Variants in SGMS2 observed in about 807,000 individuals in gnomAD.
The protein encoded by SGMS2 is sphingomyelin synthase 2.
A neutral mutation model predicts 43.8 loss-of-function variants in SGMS2; 21 were observed. The observed-to-expected ratio is 0.48, with a 90% CI of 0.34 to 0.69. The LOEUF is 0.69. Ranked by LOEUF, SGMS2 falls within the 30% of genes least tolerant of loss-of-function variation. SGMS2 has a pLI of 0.01. For missense variants in SGMS2, 384 were observed against 443.2 expected (o/e 0.87, Z 1.20); for synonymous variants, 167 against 160.6 (o/e 1.04, Z -0.30).
intron 1 of SGMS2, among the ~76,000 whole-genome samples, chr4:107,828,507 T>A (rs182674428): frequency 2.6e-5 from 4 of 152,348 alleles, no homozygotes; most frequent in Admixed American, 2.6e-4. Context: ...GTCACTAACA[T>A]ACTCTTACAC....
At position 107,852,355 on chromosome 4, in the gene SGMS2, A is replaced by T. The variant is rs578196128; in HGVS notation, c.-326-6117A>T. ...GCCTCCCAAGTCATAATAATTTTTT[A>T]AAAAAGAATGTGACTATGGTAGCTA... On this transcript the variant is annotated intron_variant, in intron 1 of 6. Coordinates refer to ENST00000690982, the MANE Select transcript of SGMS2 (RefSeq NM_001375905.1). 3.9e-5 allele frequency among the ~76,000 whole-genome samples: 6 copies of T among 152,022 alleles called. No homozygotes were observed. The East Asian group carries it at 9.7e-4, about 25-fold the overall frequency.
chr4:107,833,001 C>A (rs1725974403), intron 1 of SGMS2, among the ~76,000 whole-genome samples: 1 of 152,176 alleles, frequency 6.6e-6, no homozygotes, highest in African/African-American at 2.4e-5. Flanking sequence ...GCACTCCAGC[C>A]TGGGCGACAG....
In SGMS2 at chr4:107,908,742, T is replaced by C; in HGVS notation, c.894+11T>C. The C allele has an allele frequency of 6.2e-7, 1 of 1,606,538 alleles. No homozygotes were observed. The highest frequency in any genetic ancestry group is 8.5e-7 in the Non-Finnish European group (1 of 1,175,952). On this transcript the variant is annotated intron_variant, in intron 6 of 6. Transcript: ENST00000690982. Reference sequence around the variant, plus strand: ...ATGGCCAATGAAAAGGTGAGAGCAGTGAAGATGCTTGGATAATTTCTTTTC... The same window carrying C: ...ATGGCCAATGAAAAGGTGAGAGCAGCGAAGATGCTTGGATAATTTCTTTTC...
chr4:107,914,611 T>C lies in SGMS2; in HGVS notation c.*4058T>C, dbSNP rs1732339088. Reference sequence around the variant, plus strand: ...CTAGATTCATTATTTTCCTGACATATATTTTTCATTATGATATCTACTGTA... The same window carrying C: ...CTAGATTCATTATTTTCCTGACATACATTTTTCATTATGATATCTACTGTA... On this transcript the variant is annotated 3_prime_UTR_variant, in exon 7 of 7. Coordinates refer to ENST00000690982, the MANE Select transcript of SGMS2 (RefSeq NM_001375905.1). The C allele has an allele frequency of 6.6e-6, 1 of 151,868 alleles. No homozygotes were observed. The highest frequency in any genetic ancestry group is 2.1e-4 in the South Asian group (1 of 4,834). The allele number at this position is 151,868 out of a possible 1,614,324, so 9.4% of individuals were successfully genotyped here.
chr4:107,869,980 T>A (rs2126054546), intron 2 of SGMS2, among the ~76,000 whole-genome samples: 1 of 152,282 alleles, frequency 6.6e-6, no homozygotes, highest in Non-Finnish European at 1.5e-5. Context: ...CTGCATTAAA[T>A]ACCATGATTG....
chr4:107,850,479 A>G (rs987376580), intron 1 of SGMS2, among the ~76,000 whole-genome samples: 2 of 152,156 alleles, frequency 1.3e-5, no homozygotes, highest in African/African-American at 2.4e-5. Flanking sequence ...TAGACTCTTT[A>G]TGGAGGTAAG....
At chr4:107,824,648 C>T (rs982227487), upstream of SGMS2, 1 of 152,300 alleles carries the variant, frequency 6.6e-6, no homozygotes, top group African/African-American at 2.4e-5. Context: ...CCTGCCAAGC[C>T]CCTCCTTCTC....
chr4:107,879,950 A>G (rs966128137), intron 2 of SGMS2, among the ~76,000 whole-genome samples: 1 of 152,200 alleles, frequency 6.6e-6, no homozygotes, highest in Non-Finnish European at 1.5e-5. Flanking sequence ...TCTCACCTGC[A>G]TTCTCAGATA....
rs541122340 is a variant in SGMS2, at chr4:107,828,246, C to T, written c.-327+2993C>T. Among the ~76,000 whole-genome samples, 13 of 152,220 alleles carry T rather than the reference C, an allele frequency of 8.5e-5. No homozygotes were observed. In the East Asian group the frequency reaches 9.6e-4, roughly 11 times the overall value. ...ATGCACAGATAACACAAACAGCTAA[C>T]GAGTATTGATCTTACTATGGGCCAG... On this transcript the variant is annotated intron_variant, in intron 1 of 6. Transcript: ENST00000690982.
chr4:107,895,276 A>G (rs1249363384), intron 2 of SGMS2, 34 bp from the exon 3 acceptor site: 1 of 382,772 alleles, frequency 2.6e-6, no homozygotes, highest in Non-Finnish European at 4.7e-6. Context: ...TTGGACAAGC[A>G]TAGTTTCTGA....
In SGMS2 at chr4:107,852,090, A is replaced by G. The variant is rs142668595; in HGVS notation, c.-326-6382A>G. 1.0e-3 allele frequency among the ~76,000 whole-genome samples: 156 copies of G among 150,346 alleles called. 9 individuals are homozygous for G. In the East Asian group the frequency reaches 0.028, roughly 27 times the overall value. ...ATAATAATTTTTTTTTTTTTTTGAG[A>G]CAGAGTCTCACTTTTTCACCCAGGC... On this transcript the variant is annotated intron_variant, in intron 1 of 6. Coordinates refer to ENST00000690982, the MANE Select transcript of SGMS2 (RefSeq NM_001375905.1).
At chr4:107,862,999 A>T (rs1727847322) in intron 2 of SGMS2, among the ~76,000 whole-genome samples, 1 of 152,206 alleles carries the variant, frequency 6.6e-6, no homozygotes, top group Non-Finnish European at 1.5e-5. Context: ...AGGTGGGGCC[A>T]GCTAATGTTT....
At chr4:107,890,293 TC>T (rs1358678498) in intron 2 of SGMS2, among the ~76,000 whole-genome samples, 1 of 152,078 alleles carries the variant, frequency 6.6e-6, no homozygotes, top group Non-Finnish European at 1.5e-5. Flanking sequence ...CTAGTTTAGG[TC>T]CCTCATGCAG....
At chr4:107,900,210 G>A (rs900885170) in intron 4 of SGMS2, among the ~76,000 whole-genome samples, 1 of 152,140 alleles carries the variant, frequency 6.6e-6, no homozygotes, top group Non-Finnish European at 1.5e-5. Context: ...CTTTAATAAC[G>A]AGGCATTTGG....
intron 2 of SGMS2, among the ~76,000 whole-genome samples, chr4:107,864,713 T>G (rs1324868416): frequency 6.6e-6 from 1 of 152,244 alleles, no homozygotes; most frequent in Non-Finnish European, 1.5e-5. Context: ...AGGTTAACTT[T>G]TCAATCTCTA....
chr4:107,855,916 T>C (rs1253272630), intron 1 of SGMS2, among the ~76,000 whole-genome samples: 1 of 152,194 alleles, frequency 6.6e-6, no homozygotes, highest in African/African-American at 2.4e-5. Context: ...GAACTAAGGC[T>C]CAGGGAAATT....
chr4:107,898,305 A>G (rs903230424), intron 3 of SGMS2, among the ~76,000 whole-genome samples: 1 of 151,940 alleles, frequency 6.6e-6, no homozygotes, highest in Non-Finnish European at 1.5e-5. Context: ...TTCTTAAAAT[A>G]GCTGTTGGAA....
intron 5 of SGMS2, 123 bp downstream of exon 5, chr4:107,903,509 GTA>G: frequency 1.3e-6 from 1 of 787,056 alleles, no homozygotes; most frequent in Non-Finnish European, 2.0e-6. Context: ...GGATGTGTGT[GTA>G]TATATGTATG....
chr4:107,844,622 C>A (rs535554499), intron 1 of SGMS2, among the ~76,000 whole-genome samples: 1 of 152,158 alleles, frequency 6.6e-6, no homozygotes, highest in Admixed American at 6.6e-5. Flanking sequence ...GGGAGGATCA[C>A]CTGACCTCAG....
Sources: gnomAD v4.1 joint callset for allele counts (sites outside exome capture counted in the v4.1 genomes callset) on GRCh38, gnomAD v4.1.1 for gene constraint, MANE v1.5 for transcripts, NCBI Gene and HGNC (gene_info 2026-07-23, HGNC 2026-07-21) for gene names.